The following CHRNA7 variants were observed in gnomAD, a reference collection of about 807,000 sequenced individuals.
CHRNA7 encodes neuronal acetylcholine receptor subunit alpha-7.
In CHRNA7, 17 loss-of-function variants were observed where a neutral mutation model predicts 48.0. The observed-to-expected ratio is 0.35, with a 90% CI of 0.24 to 0.53. The LOEUF is 0.53. Among genes scored for constraint, CHRNA7 ranks in the 20% least tolerant of loss-of-function variants. CHRNA7 has a pLI of 0.92. For synonymous variants in CHRNA7, 75 were observed against 242.3 expected (o/e 0.31, Z 6.41); for missense variants, 155 against 577.7 (o/e 0.27, Z 7.50).
At chr15:32,147,894 C>T (rs1389550031) in intron 4 of CHRNA7, among the ~76,000 whole-genome samples, 1 of 152,200 alleles carries the variant, frequency 6.6e-6, no homozygotes, top group African/African-American at 2.4e-5. Flanking sequence ...GCAATCTGGG[C>T]ATTGCTTCCG....
chr15:32,125,524 C>T (rs778147968), intron 4 of CHRNA7, among the ~76,000 whole-genome samples: 1 of 129,224 alleles, frequency 7.7e-6, no homozygotes, highest in African/African-American at 3.2e-5. Flanking sequence ...ACTCTAGAGA[C>T]GCTCCGCTGC....
chr15:32,085,653 A>AT (rs1194535818), intron 2 of CHRNA7, among the ~76,000 whole-genome samples: 1 of 152,248 alleles, frequency 6.6e-6, no homozygotes, highest in Non-Finnish European at 1.5e-5. Context: ...GCTGACTCCA[A>AT]TTTTTGTATC....
chr15:32,057,902 G>A lies in CHRNA7; in HGVS notation c.195+26865G>A, dbSNP rs137883876. Among the ~76,000 whole-genome samples the A allele has an allele frequency of 2.0e-3, 303 of 152,326 alleles. 2 individuals are homozygous for A. Among genetic ancestry groups the A allele is most frequent in the African/African-American group, 6.7e-3 (280 of 41,572 alleles). On this transcript the variant is annotated intron_variant, in intron 2 of 9. Transcript: ENST00000306901. ...AACAACTAGAAATCAGGATATACATGTAAGTCAGGTAAATTTCAGACAGCC... is the reference window on the plus strand; with the variant it reads ...AACAACTAGAAATCAGGATATACATATAAGTCAGGTAAATTTCAGACAGCC...
At chr15:32,146,561 C>T (rs1040653184) in intron 4 of CHRNA7, among the ~76,000 whole-genome samples, 3 of 152,082 alleles carry the variant, frequency 2.0e-5, no homozygotes, top group African/African-American at 4.8e-5. Flanking sequence ...CAAGATCTAT[C>T]GAAGTATCAA....
intron 3 of CHRNA7, chr15:32,101,614 C>T (rs961650287): frequency 3.1e-5 from 13 of 417,242 alleles, no homozygotes. Context: ...GCACTTCAGG[C>T]AAGACAAGAA....
intron 4 of CHRNA7, among the ~76,000 whole-genome samples, chr15:32,139,708 T>C (rs927740907): frequency 2.0e-5 from 3 of 152,110 alleles, no homozygotes; most frequent in Non-Finnish European, 4.4e-5. Context: ...TTTAATTGGA[T>C]TGTTTGTTTT....
chr15:32,158,895 TTCCC>T (rs1230487113), intron 7 of CHRNA7: 19 of 278,392 alleles, frequency 6.8e-5, no homozygotes, highest in Non-Finnish European at 1.0e-4. Context: ...CTGTGCTTTC[TTCCC>T]TCCTGCCACC....
In CHRNA7 at chr15:32,071,089, A is replaced by C. The variant is rs2050050968; in HGVS notation, c.196-30214A>C. ...TTGCTTTTGCACATCTGTCATAATTATTAGGCTCCACTTCAGGAGGTCTAT... is the reference window on the plus strand; with the variant it reads ...TTGCTTTTGCACATCTGTCATAATTCTTAGGCTCCACTTCAGGAGGTCTAT... On this transcript the variant is annotated intron_variant, in intron 2 of 9. Transcript: ENST00000306901. Among the ~76,000 whole-genome samples the C allele has an allele frequency of 2.6e-5, 4 of 152,270 alleles. No individual in the cohort carries two copies. In the South Asian group the frequency reaches 8.3e-4, roughly 32 times the overall value.
At chr15:32,104,781 AAGGCC>A (rs2050634640) in intron 3 of CHRNA7, among the ~76,000 whole-genome samples, 1 of 152,190 alleles carries the variant, frequency 6.6e-6, no homozygotes, top group Non-Finnish European at 1.5e-5. Flanking sequence ...CTGTGTGTAT[AAGGCC>A]AGGCTCCGGA....
intron 4 of CHRNA7, chr15:32,112,140 T>A (rs1177058129): frequency 1.6e-6 from 1 of 620,074 alleles, no homozygotes; most frequent in Admixed American, 2.2e-5. Flanking sequence ...AAGACGCCCA[T>A]GAAGTTGTAT....
At chr15:32,031,759 A>G (rs885072) in intron 2 of CHRNA7, among the ~76,000 whole-genome samples, 87,712 of 152,232 alleles carry the variant, frequency 0.58, 28,802 homozygotes, top group Non-Finnish European at 0.73. Flanking sequence ...TTGTTCCTCT[A>G]TGCTGCTTTG....
At chr15:32,039,757 A>C (rs546964134) in intron 2 of CHRNA7, among the ~76,000 whole-genome samples, 1 of 152,126 alleles carries the variant, frequency 6.6e-6, no homozygotes, top group Non-Finnish European at 1.5e-5. Context: ...GATGTTGCTT[A>C]TATCCAATTG....
intron 4 of CHRNA7, among the ~76,000 whole-genome samples, chr15:32,146,534 AT>A (rs1213192868): frequency 1.3e-5 from 2 of 152,232 alleles, no homozygotes; most frequent in African/African-American, 2.4e-5. Context: ...TCTAGAAAAA[AT>A]ATATCTGATA....
At chr15:32,075,580 TTC>T (rs987404138) in intron 2 of CHRNA7, among the ~76,000 whole-genome samples, 3 of 152,246 alleles carry the variant, frequency 2.0e-5, no homozygotes, top group South Asian at 4.1e-4. Flanking sequence ...TATTTGAATC[TTC>T]TCTCTTTTTT....
chr15:32,069,829 C>T (rs945594652), intron 2 of CHRNA7, among the ~76,000 whole-genome samples: 21 of 151,846 alleles, frequency 1.4e-4, no homozygotes, highest in Admixed American at 2.0e-4. Context: ...AACAAAGCTT[C>T]CTGAATTGTC....
chr15:32,101,051 G>C (rs757071303), intron 2 of CHRNA7: 1 of 414,592 alleles, frequency 2.4e-6, no homozygotes, highest in Non-Finnish European at 4.2e-6. Context: ...TAAGGTTGCA[G>C]AGTTTTAATT....
At chr15:32,111,318 T>C (rs888501677) in intron 3 of CHRNA7, 1 of 152,714 alleles carries the variant, frequency 6.5e-6, no homozygotes, top group African/African-American at 2.4e-5. Flanking sequence ...AACATTCCTT[T>C]AGAAATTCTG....
chr15:32,054,727 AGTT>A (rs911957220), intron 2 of CHRNA7, among the ~76,000 whole-genome samples: 1 of 152,200 alleles, frequency 6.6e-6, no homozygotes, highest in Non-Finnish European at 1.5e-5. Flanking sequence ...GAGCCACCCA[AGTT>A]GTTGTCTGTA....
Position 32,126,985 on chromosome 15 carries a change from C to G in CHRNA7, c.350+15086C>G, listed in dbSNP as rs1421273745. ...TCACATGTATTGATTCATGTAGCCACCAACAAATTAAGATAAAGAACTGTT... is the reference window on the plus strand; with the variant it reads ...TCACATGTATTGATTCATGTAGCCAGCAACAAATTAAGATAAAGAACTGTT... On this transcript the variant is annotated intron_variant, in intron 4 of 9. Transcript: ENST00000306901. 8.3e-4 allele frequency among the ~76,000 whole-genome samples: 127 copies of G among 152,102 alleles called. 3 individuals carry two copies. Among genetic ancestry groups the G allele is most frequent in the Non-Finnish European group, 2.9e-5 (2 of 68,012 alleles).
Sources: gnomAD v4.1 joint callset for allele counts (sites outside exome capture counted in the v4.1 genomes callset) on GRCh38, gnomAD v4.1.1 for gene constraint, MANE v1.5 for transcripts, NCBI Gene and HGNC (gene_info 2026-07-23, HGNC 2026-07-21) for gene names.